Variants in GARIN1B observed in about 807,000 individuals in gnomAD.
GARIN1B encodes the protein Golgi-associated RAB2 interactor protein 1B.
At chr7:128,719,952 G>A in the GARIN1B span, among the ~76,000 whole-genome samples, 5 of 151,754 alleles carry the variant, frequency 3.3e-5, no homozygotes, top group East Asian at 2.0e-4. Context: ...CACCCACCTC[G>A]GCCCACCAAA....
chr7:128,717,591 T>C, the GARIN1B span, among the ~76,000 whole-genome samples: 16,660 of 151,238 alleles, frequency 0.11, 1,227 homozygotes, highest in East Asian at 0.25. Flanking sequence ...GGATTATAGG[T>C]GCCTGCCACC....
chr7:128,723,437 G>C, the GARIN1B span: 1 of 1,276,154 alleles, frequency 7.8e-7, no homozygotes, highest in African/African-American at 1.5e-5. Flanking sequence ...ACGTGACCAG[G>C]CACGGTGGCT....
At chr7:128,722,614 G>T in the GARIN1B span, among the ~76,000 whole-genome samples, 1 of 152,064 alleles carries the variant, frequency 6.6e-6, no homozygotes, top group Non-Finnish European at 1.5e-5. Flanking sequence ...GACCAGCCTG[G>T]CCAACATGGT....
chr7:128,728,637 A>G, the GARIN1B span, among the ~76,000 whole-genome samples: 1,452 of 152,352 alleles, frequency 9.5e-3, 23 homozygotes, highest in African/African-American at 0.033. Flanking sequence ...CGTTGTTGCC[A>G]TGCTGGAATC....
the GARIN1B span, among the ~76,000 whole-genome samples, chr7:128,728,243 A>T: frequency 2.0e-5 from 3 of 152,154 alleles, no homozygotes; most frequent in African/African-American, 7.2e-5. Flanking sequence ...GGAGTTCGAG[A>T]CCAGCCTAGC....
chr7:128,714,174 A>C, the GARIN1B span: 1 of 1,523,776 alleles, frequency 6.6e-7, no homozygotes, highest in Non-Finnish European at 8.8e-7. Context: ...CTGACTTTAT[A>C]ATGAAATACA....
At chr7:128,713,981 T>A in the GARIN1B span, 1 of 1,527,028 alleles carries the variant, frequency 6.5e-7, no homozygotes, top group South Asian at 1.2e-5. Context: ...CCTTAGAGAA[T>A]GTGACCATGA....
the GARIN1B span, chr7:128,717,106 G>A: frequency 9.6e-7 from 1 of 1,045,442 alleles, no homozygotes; most frequent in Non-Finnish European, 1.4e-6. Flanking sequence ...CATCAGCAGT[G>A]ACATTGATTT....
At chr7:128,724,866 C>T in the GARIN1B span, 6 of 1,287,622 alleles carry the variant, frequency 4.7e-6, no homozygotes, top group African/African-American at 3.0e-5. Context: ...AGGAGGCAAG[C>T]GCTTATAGCA....
chr7:128,724,092 C>A, the GARIN1B span, among the ~76,000 whole-genome samples: 2 of 152,144 alleles, frequency 1.3e-5, no homozygotes, highest in Non-Finnish European at 2.9e-5. Context: ...CTCACTGCAA[C>A]CTCTGCCTCC....
chr7:128,730,368 C>T, the GARIN1B span, among the ~76,000 whole-genome samples: 1 of 152,094 alleles, frequency 6.6e-6, no homozygotes, highest in East Asian at 1.9e-4. Flanking sequence ...GGTCTTTCCT[C>T]TCTTTTCCTT....
the GARIN1B span, among the ~76,000 whole-genome samples, chr7:128,714,891 TGCAGAAGTAACCAGCCTGCCGCG>T: frequency 6.6e-6 from 1 of 152,142 alleles, no homozygotes; most frequent in Non-Finnish European, 1.5e-5. Context: ...AAGTAAGTCC[TGCAGAAGTAACCAGCCTGCCGCG>T]GCAGAATGCA....
chr7:128,726,715 A>T, the GARIN1B span: 1 of 1,085,810 alleles, frequency 9.2e-7, no homozygotes, highest in Admixed American at 2.1e-5. Context: ...TCATATTTAT[A>T]TCTGTCTCTA....
At chr7:128,722,763 C>T in the GARIN1B span, among the ~76,000 whole-genome samples, 1 of 151,970 alleles carries the variant, frequency 6.6e-6, no homozygotes, top group Non-Finnish European at 1.5e-5. Flanking sequence ...GAGATCGCAC[C>T]ACTGCACTCC....
At chr7:128,731,318 G>T in the GARIN1B span, 1 of 624,184 alleles carries the variant, frequency 1.6e-6, no homozygotes, top group Non-Finnish European at 2.9e-6. Flanking sequence ...CCACCTCCAT[G>T]CCACTGCCAG....
At chr7:128,713,946 C>T in the GARIN1B span, 1 of 1,519,764 alleles carries the variant, frequency 6.6e-7, no homozygotes, top group South Asian at 1.2e-5. Context: ...AAATGCAAAC[C>T]AAAGGATGTG....
At chr7:128,711,143 G>A in the GARIN1B span, among the ~76,000 whole-genome samples, 1 of 152,148 alleles carries the variant, frequency 6.6e-6, no homozygotes, top group African/African-American at 2.4e-5. Context: ...GTCGTCATGT[G>A]TACTTTCCTC....
the GARIN1B span, chr7:128,715,400 TC>T: frequency 4.6e-5 from 74 of 1,599,916 alleles, no homozygotes; most frequent in Admixed American, 7.1e-4. Context: ...GAGACAGAGA[TC>T]CCAGGACAAA....
At chr7:128,711,880 A>C in the GARIN1B span, among the ~76,000 whole-genome samples, 2 of 152,156 alleles carry the variant, frequency 1.3e-5, no homozygotes, top group Non-Finnish European at 2.9e-5. Flanking sequence ...GTCTCTACTA[A>C]AAATACAAAA....
Sources: allele counts gnomAD v4.1 joint callset (sites outside exome capture counted in the v4.1 genomes callset), GRCh38; gene constraint gnomAD v4.1.1; transcripts MANE v1.5; gene names NCBI Gene and HGNC (gene_info 2026-07-23, HGNC 2026-07-21).